DCPH1: variants seen among roughly 807,000 people sequenced by gnomAD.
DCPH1 encodes damage-control phosphatase 1.
At chr6:151,462,313 C>G in the DCPH1 span, among the ~76,000 whole-genome samples, 2 of 152,126 alleles carry the variant, frequency 1.3e-5, no homozygotes, top group Non-Finnish European at 2.9e-5. Context: ...CTTACAGACC[C>G]CAAAAGTCCA....
chr6:151,458,546 A>G, the DCPH1 span: 3 of 1,610,824 alleles, frequency 1.9e-6, no homozygotes, highest in Non-Finnish European at 1.7e-6. Flanking sequence ...ACATGTATCG[A>G]AGAATTCATG....
chr6:151,464,156 T>C, the DCPH1 span, among the ~76,000 whole-genome samples: 1 of 152,210 alleles, frequency 6.6e-6, no homozygotes, highest in Non-Finnish European at 1.5e-5. Flanking sequence ...TCTTTCTCCT[T>C]CTTGTGCCCT....
At chr6:151,459,645 C>T in the DCPH1 span, among the ~76,000 whole-genome samples, 5 of 151,970 alleles carry the variant, frequency 3.3e-5, no homozygotes, top group African/African-American at 1.2e-4. Flanking sequence ...TATATAATTA[C>T]CCAGGTGTGG....
chr6:151,452,793 G>A, the DCPH1 span: 22 of 550,722 alleles, frequency 4.0e-5, no homozygotes, highest in African/African-American at 4.1e-4. Flanking sequence ...TGCCCGCGGC[G>A]GCTGCTCGTA....
the DCPH1 span, chr6:151,470,100 A>C: frequency 6.6e-6 from 1 of 152,212 alleles, no homozygotes; most frequent in South Asian, 2.1e-4. Flanking sequence ...TTGTACTGAA[A>C]ATCTCCTTGG....
At chr6:151,459,675 C>G in the DCPH1 span, among the ~76,000 whole-genome samples, 1 of 152,112 alleles carries the variant, frequency 6.6e-6, no homozygotes, top group Non-Finnish European at 1.5e-5. Context: ...CCTGTTGTCC[C>G]AGCTACCCCG....
At chr6:151,468,132 T>A in the DCPH1 span, among the ~76,000 whole-genome samples, 1 of 152,256 alleles carries the variant, frequency 6.6e-6, no homozygotes, top group Admixed American at 6.5e-5. Flanking sequence ...TACATACTGA[T>A]GAATTAAAAA....
At chr6:151,452,992 T>TAG in the DCPH1 span, among the ~76,000 whole-genome samples, 2 of 152,262 alleles carry the variant, frequency 1.3e-5, no homozygotes, top group African/African-American at 4.8e-5. Flanking sequence ...GTCTAGTTTT[T>TAG]TGCTTTATAG....
At chr6:151,468,106 GTTTT>G in the DCPH1 span, among the ~76,000 whole-genome samples, 16 of 152,238 alleles carry the variant, frequency 1.1e-4, no homozygotes, top group Middle Eastern at 3.4e-3. Context: ...ATTGAAACCA[GTTTT>G]TTTAAGTCCA....
the DCPH1 span, among the ~76,000 whole-genome samples, chr6:151,457,195 G>C: frequency 6.6e-6 from 1 of 152,154 alleles, no homozygotes; most frequent in Non-Finnish European, 1.5e-5. Context: ...TCAAACGTCC[G>C]TGCCCTTAGA....
At chr6:151,468,313 G>A in the DCPH1 span, 1 of 1,476,330 alleles carries the variant, frequency 6.8e-7, no homozygotes, top group Non-Finnish European at 9.1e-7. Flanking sequence ...TCAGAAGAAG[G>A]GTGAATATTT....
chr6:151,454,171 G>T, the DCPH1 span, among the ~76,000 whole-genome samples: 6 of 152,180 alleles, frequency 3.9e-5, no homozygotes, highest in African/African-American at 1.4e-4. Flanking sequence ...TTCTAAGCAG[G>T]TGACTTAGCA....
At chr6:151,452,717 G>C in the DCPH1 span, 2 of 964,262 alleles carry the variant, frequency 2.1e-6, no homozygotes. Flanking sequence ...GCGGCTTTCC[G>C]GGGCGCCTTT....
the DCPH1 span, among the ~76,000 whole-genome samples, chr6:151,454,110 C>T: frequency 6.6e-6 from 1 of 152,254 alleles, no homozygotes; most frequent in African/African-American, 2.4e-5. Flanking sequence ...TTATGTTGTT[C>T]AAGCACATTA....
chr6:151,464,644 GTA>G, the DCPH1 span: 1 of 1,531,042 alleles, frequency 6.5e-7, no homozygotes, highest in South Asian at 1.2e-5. Context: ...AATCTTCTGA[GTA>G]TGTTTTATTT....
the DCPH1 span, chr6:151,452,854 T>C: frequency 4.9e-6 from 2 of 404,518 alleles, no homozygotes; most frequent in Admixed American, 4.6e-5. Context: ...GGTCACTTTT[T>C]ATTTATTCAC....
the DCPH1 span, among the ~76,000 whole-genome samples, chr6:151,453,711 A>G: frequency 3.9e-5 from 6 of 152,340 alleles, no homozygotes; most frequent in Middle Eastern, 3.4e-3. Context: ...TCTGTGCTCT[A>G]TATTTAAAAC....
the DCPH1 span, chr6:151,458,355 A>C: frequency 3.0e-5 from 49 of 1,613,028 alleles, no homozygotes; most frequent in African/African-American, 9.3e-5. Context: ...AAAGAAAGCT[A>C]TCTCTCTCCT....
the DCPH1 span, chr6:151,458,283 C>T: frequency 6.4e-7 from 1 of 1,564,476 alleles, no homozygotes; most frequent in Non-Finnish European, 8.7e-7. Context: ...AGGAATTGCA[C>T]AGACACACAC....
Sources: gnomAD v4.1 joint callset for allele counts (sites outside exome capture counted in the v4.1 genomes callset) on GRCh38, gnomAD v4.1.1 for gene constraint, MANE v1.5 for transcripts, NCBI Gene and HGNC (gene_info 2026-07-23, HGNC 2026-07-21) for gene names.